Variants in WDR17 observed in about 807,000 individuals in gnomAD.
WDR17 encodes the protein WD repeat domain 17, also known as WD repeat-containing protein 17.
Under a neutral mutation model 161.7 loss-of-function variants are expected in WDR17, and 143 were observed. That is an observed-to-expected ratio of 0.88 (90% CI 0.77 to 1.02). WDR17 has a LOEUF of 1.02. Ranked by LOEUF, WDR17 falls within the 50% of genes least tolerant of loss-of-function variation. The pLI is 0.00. For synonymous variants in WDR17, 517 were observed against 515.6 expected (o/e 1.00, Z -0.04); for missense variants, 1,469 against 1,520.9 (o/e 0.97, Z 0.57).
chr4:176,149,824 A>G lies in WDR17; in HGVS notation c.1915A>G (p.Ser639Gly). The change falls in exon 14 of 29, where the codon AGT becomes GGT. Residue 639 changes from serine (S) to glycine (G), a missense_variant. Physicochemically the swap from Ser to Gly is moderately conservative, Grantham distance 56. Transcript: ENST00000508596. The stretch of plus-strand genomic sequence containing the variant: ...TTCATCAGGTTTAACCTGCCATCCC[A>G]GTCGCCCCTTCACTATGGCCTCTTG... ...ADVYGLTCHP[S>G]RPFTMASCSR... The G allele has an allele frequency of 1.2e-6, 2 of 1,613,138 alleles. No homozygotes were observed. The highest frequency in any genetic ancestry group is 1.7e-6 in the Non-Finnish European group (2 of 1,179,836).
chr4:176,158,749 C>A (rs1748547039), intron 18 of WDR17, among the ~76,000 whole-genome samples: 2 of 152,144 alleles, frequency 1.3e-5, no homozygotes, highest in Non-Finnish European at 2.9e-5. Flanking sequence ...CAAAACTCTT[C>A]CAAGTCTATT....
chr4:176,147,390 G>A (rs1746358965), intron 12 of WDR17, among the ~76,000 whole-genome samples: 1 of 152,092 alleles, frequency 6.6e-6, no homozygotes, highest in Non-Finnish European at 1.5e-5. Flanking sequence ...AGTAACATTT[G>A]TACAATCAAT....
At chr4:176,145,851 A>AT in intron 11 of WDR17, 144 bp from the exon 12 acceptor site, 1 of 643,692 alleles carries the variant, frequency 1.6e-6, no homozygotes, top group Non-Finnish European at 2.5e-6. Flanking sequence ...ATTATACACG[A>AT]TTTTTTACAT....
chr4:176,134,502 G>T (rs1010628149), intron 7 of WDR17, among the ~76,000 whole-genome samples: 17 of 151,620 alleles, frequency 1.1e-4, no homozygotes, highest in African/African-American at 4.1e-4. Flanking sequence ...TGGGTGTTTG[G>T]GATCCAAATC....
chr4:176,115,142 A>C (rs952822603), intron 2 of WDR17, among the ~76,000 whole-genome samples: 2 of 152,080 alleles, frequency 1.3e-5, no homozygotes, highest in Admixed American at 1.3e-4. Flanking sequence ...TATATGCTAA[A>C]GGGGAAGAAA....
At chr4:176,171,325 C>G (rs969249835) in intron 23 of WDR17, among the ~76,000 whole-genome samples, 11 of 152,164 alleles carry the variant, frequency 7.2e-5, no homozygotes, top group Non-Finnish European at 1.5e-4. Context: ...CTTATTTCCT[C>G]TATGCCATGA....
At chr4:176,083,720 G>T (rs1028235920) in intron 1 of WDR17, among the ~76,000 whole-genome samples, 4 of 152,100 alleles carry the variant, frequency 2.6e-5, no homozygotes. Context: ...TGGTCATGGG[G>T]TATGTATTTG....
chr4:176,093,087 A>G (rs1736351925), intron 1 of WDR17, among the ~76,000 whole-genome samples: 1 of 152,096 alleles, frequency 6.6e-6, no homozygotes. Flanking sequence ...ATGTAGTCCC[A>G]TTAATAACAG....
At chr4:176,118,586 C>T (rs1741024491) in intron 3 of WDR17, among the ~76,000 whole-genome samples, 1 of 152,044 alleles carries the variant, frequency 6.6e-6, no homozygotes, top group Non-Finnish European at 1.5e-5. Flanking sequence ...CAGCGAATTT[C>T]CACTCTGTGT....
Position 176,162,185 on chromosome 4 carries a change from T to C in WDR17, c.2850+11T>C. 1 of 1,608,322 alleles carries C rather than the reference T, an allele frequency of 6.2e-7. No individual in the cohort carries two copies. Among genetic ancestry groups the C allele is most frequent in the Non-Finnish European group, 8.5e-7 (1 of 1,177,230 alleles). ...ATAGATAATATTGAGGTACGACATT[T>C]AAAACTGGTTTATGTGAATGAAAAG... On this transcript the variant is annotated intron_variant, in intron 21 of 28. Coordinates refer to ENST00000508596, the MANE Select transcript of WDR17 (RefSeq NM_181265.4).
Position 176,120,097 on chromosome 4 carries a change from G to C in WDR17, c.538G>C (p.Gly180Arg). ...TGGAAGTCTATCAATTTTTCATCCA[G>C]GTAAGAATTTAATTAGCAAGGTATC... ...IDGSLSIFHPGNKNQKHVLRP... is the reference protein window; with the variant it reads ...IDGSLSIFHPRNKNQKHVLRP... Residue 180 changes from glycine to arginine, a missense_variant and splice_region_variant, in exon 4 of 29, where the codon GGT becomes CGT. Gly to Arg is a moderately radical substitution (Grantham distance 125). Coordinates refer to ENST00000508596, the MANE Select transcript of WDR17 (RefSeq NM_181265.4). 1.2e-6 allele frequency: 2 copies of C among 1,609,516 alleles called. No individual in the cohort carries two copies. The highest frequency in any genetic ancestry group is 1.7e-6 in the Non-Finnish European group (2 of 1,176,646).
intron 1 of WDR17, among the ~76,000 whole-genome samples, chr4:176,071,512 G>A (rs192914634): frequency 5.0e-4 from 76 of 152,022 alleles, no homozygotes; most frequent in African/African-American, 1.7e-3. Flanking sequence ...TAGTAGAGAC[G>A]GGGTTTCACC....
chr4:176,070,512 T>C (rs750068954), intron 1 of WDR17, among the ~76,000 whole-genome samples: 8 of 152,006 alleles, frequency 5.3e-5, no homozygotes, highest in Non-Finnish European at 1.0e-4. Context: ...TCCCTTTTTT[T>C]CCACTTCTTT....
intron 1 of WDR17, among the ~76,000 whole-genome samples, chr4:176,081,430 C>T (rs1734734485): frequency 6.6e-6 from 1 of 151,904 alleles, no homozygotes; most frequent in African/African-American, 2.4e-5. Flanking sequence ...TTTTTTTATA[C>T]AGCCTTCTTG....
At chr4:176,094,681 G>A (rs1736587830) in intron 1 of WDR17, among the ~76,000 whole-genome samples, 2 of 152,134 alleles carry the variant, frequency 1.3e-5, no homozygotes, top group South Asian at 4.1e-4. Flanking sequence ...TAAAAGTAGT[G>A]GCATTAGTAA....
In WDR17 at chr4:176,163,249, T is replaced by C. The variant is rs1383724555; in HGVS notation, c.2946T>C (p.Tyr982=). Residue 982 remains tyrosine (Y), a synonymous_variant, in exon 22 of 29, where the codon TAT becomes TAC. Transcript: ENST00000508596. ...AGTCTGCAGCACCAGCAACCCACTATGCCTTAGAATTACTGGCGAGAAAGT... is the reference window on the plus strand; with the variant it reads ...AGTCTGCAGCACCAGCAACCCACTACGCCTTAGAATTACTGGCGAGAAAGT... ...LGESAAPATH[Y]ALELLARKCM... 2 of 1,612,752 alleles carry C rather than the reference T, an allele frequency of 1.2e-6. No individual in the cohort carries two copies. The highest frequency in any genetic ancestry group is 1.7e-6 in the Non-Finnish European group (2 of 1,179,632).
intron 4 of WDR17, 87 bp downstream of exon 4, chr4:176,120,184 C>G: frequency 2.0e-6 from 2 of 1,006,762 alleles, no homozygotes; most frequent in African/African-American, 1.7e-5. Context: ...AGTGACCAGT[C>G]CCCATTGTGA....
intron 1 of WDR17, among the ~76,000 whole-genome samples, chr4:176,075,537 A>G (rs917298444): frequency 2.6e-5 from 4 of 152,202 alleles, no homozygotes; most frequent in Admixed American, 2.6e-4. Context: ...TAAAAATTAC[A>G]TTAACTTCCA....
At chr4:176,114,781 G>A (rs1056901315) in intron 2 of WDR17, among the ~76,000 whole-genome samples, 3 of 151,694 alleles carry the variant, frequency 2.0e-5, no homozygotes, top group East Asian at 1.9e-4. Context: ...AGCATGGTCC[G>A]AAAACATCTC....
Sources: gnomAD v4.1 joint callset for allele counts (sites outside exome capture counted in the v4.1 genomes callset) on GRCh38, gnomAD v4.1.1 for gene constraint, MANE v1.5 for transcripts, NCBI Gene and HGNC (gene_info 2026-07-23, HGNC 2026-07-21) for gene names.